MYO10: variants seen among roughly 807,000 people sequenced by gnomAD.
MYO10 encodes myosin X, also known as unconventional myosin-X.
In MYO10, 133 loss-of-function variants were observed where a neutral mutation model predicts 257.3. The observed-to-expected ratio is 0.52, with a 90% CI of 0.45 to 0.60. The LOEUF is 0.60. Among genes scored for constraint, MYO10 ranks in the 20% least tolerant of loss-of-function variants. The probability of loss-of-function intolerance (pLI) is 0.00; values close to 1 mark genes in which losing one functional copy is unlikely to be tolerated. For missense variants in MYO10, 2,399 were observed against 2,635.7 expected (o/e 0.91, Z 1.97); for synonymous variants, 1,104 against 1,028.6 (o/e 1.07, Z -1.40).
rs547329657 is a variant in MYO10 at position 16,818,930 on chromosome 5, G to C, written c.121-763C>G. 1.2e-4 allele frequency among the ~76,000 whole-genome samples: 18 copies of C among 152,226 alleles called. No individual in the cohort carries two copies. In the South Asian group the frequency reaches 3.7e-3, roughly 32 times the overall value. On this transcript the variant is annotated intron_variant, in intron 2 of 40. Coordinates refer to ENST00000513610, the MANE Select transcript of MYO10 (RefSeq NM_012334.3). ...TAAGAAACTTTCTAAGTTTTAGAAA[G>C]TAATTTGGTTTCCCTATATAATGTT...
intron 1 of MYO10, among the ~76,000 whole-genome samples, chr5:16,931,891 G>A (rs1746304297): frequency 6.6e-6 from 1 of 152,156 alleles, no homozygotes; most frequent in South Asian, 2.1e-4. Flanking sequence ...TCTCTAACAA[G>A]AAAAGATGTC....
intron 1 of MYO10, among the ~76,000 whole-genome samples, chr5:16,882,143 C>G (rs539494648): frequency 6.6e-6 from 1 of 152,292 alleles, no homozygotes; most frequent in East Asian, 1.9e-4. Context: ...GCATAAATTC[C>G]TATCCCCCTT....
At position 16,701,140 on chromosome 5, in the gene MYO10, T is replaced by C; in HGVS notation, c.3255A>G (p.Pro1085=). The C allele has an allele frequency of 6.2e-7, 1 of 1,601,080 alleles. No homozygotes were observed. The highest frequency in any genetic ancestry group is 8.5e-7 in the Non-Finnish European group (1 of 1,174,152). The stretch of plus-strand genomic sequence containing the variant: ...CCTGGTCGTAGTCGTAGTCGCCGTC[T>C]GGGGAGGGCAAGTCCCCAGCGTTCT... ...MPQNAGDLPS[P]DGDYDYDQDD... The change falls in exon 25 of 41, where the codon CCA becomes CCG. Residue 1085 remains proline, a synonymous_variant. Transcript: ENST00000513610. The surrounding 1 kb of genome is among the most constrained non-coding windows in gnomAD (Gnocchi z 8.1).
intron 30 of MYO10, among the ~76,000 whole-genome samples, chr5:16,682,499 A>G (rs1192409784): frequency 6.6e-6 from 1 of 152,200 alleles, no homozygotes; most frequent in Non-Finnish European, 1.5e-5. Flanking sequence ...CCGGGTTTCC[A>G]AAGTGATCTA....
chr5:16,796,005 G>C (rs1315239934), intron 3 of MYO10, among the ~76,000 whole-genome samples: 3 of 151,692 alleles, frequency 2.0e-5, no homozygotes, highest in Non-Finnish European at 4.4e-5. Flanking sequence ...CTGGCTAACA[G>C]AGTGAAACCC....
intron 1 of MYO10, among the ~76,000 whole-genome samples, chr5:16,887,732 C>T (rs527420985): frequency 3.9e-5 from 6 of 152,164 alleles, no homozygotes; most frequent in African/African-American, 1.4e-4. Context: ...CTCAGGTGAT[C>T]CACCCACCTC....
intron 19 of MYO10, chr5:16,713,389 A>T: frequency 1.0e-6 from 1 of 985,872 alleles, no homozygotes; most frequent in Non-Finnish European, 1.2e-6. Flanking sequence ...GCCAAAATTC[A>T]TATGGAAAAC....
intron 1 of MYO10, among the ~76,000 whole-genome samples, chr5:16,898,531 G>C (rs1163643790): frequency 2.6e-5 from 4 of 151,212 alleles, no homozygotes; most frequent in African/African-American, 9.7e-5. Context: ...TCCTGCCTCA[G>C]CATCCCGAAT....
rs376172117 is a variant in MYO10, at chr5:16,853,099, G to A, written c.120+24510C>T. Among the ~76,000 whole-genome samples the A allele has an allele frequency of 3.7e-4, 56 of 152,260 alleles. 1 individual carries two copies. The highest frequency in any genetic ancestry group is 1.2e-3 in the African/African-American group (48 of 41,558). On this transcript the variant is annotated intron_variant, in intron 2 of 40. Coordinates refer to ENST00000513610, the MANE Select transcript of MYO10 (RefSeq NM_012334.3). ...TCATGATCATATGTTGGCCGGGCGC[G>A]GCGGCTCACGCCTGTAATCCCAGCA... is the stretch of plus-strand genomic sequence containing the variant.
chr5:16,745,597 G>A (rs1579942405), intron 19 of MYO10, among the ~76,000 whole-genome samples: 1 of 152,196 alleles, frequency 6.6e-6, no homozygotes, highest in Non-Finnish European at 1.5e-5. Flanking sequence ...GCTGGGGCAG[G>A]AGATTGCTTG....
chr5:16,672,294 C>CAAAAAAAAAA (rs10684695), intron 37 of MYO10, among the ~76,000 whole-genome samples: 5 of 122,262 alleles, frequency 4.1e-5, no homozygotes, highest in African/African-American at 6.4e-5. Flanking sequence ...GACTCCATCT[C>CAAAAAAAAAA]AAAAAAAAAA....
chr5:16,853,702 G>A (rs1223640355), intron 2 of MYO10, among the ~76,000 whole-genome samples: 2 of 152,048 alleles, frequency 1.3e-5, no homozygotes, highest in Non-Finnish European at 2.9e-5. Context: ...TATACTTAGG[G>A]GGCCTCAGTG....
rs1169301000 is a variant in MYO10 at position 16,665,690 on chromosome 5, T to C, written c.*1002A>G. 6.6e-6 allele frequency: 1 copy of C among 152,588 alleles called. No individual in the cohort carries two copies. The allele number at this position is 152,588 out of a possible 1,614,324, so 9.5% of individuals were successfully genotyped here. On this transcript the variant is annotated 3_prime_UTR_variant, in exon 41 of 41. Coordinates refer to ENST00000513610, the MANE Select transcript of MYO10 (RefSeq NM_012334.3). ...CTATCCAGAATGATAGAAGCTAACCTTCCAAGTAACACTTTGTTTTTAACT... is the reference window on the plus strand; with the variant it reads ...CTATCCAGAATGATAGAAGCTAACCCTCCAAGTAACACTTTGTTTTTAACT...
At chr5:16,848,155 C>CTTTTTTTTTTTTTTTCTTTTT (rs1554002459) in intron 2 of MYO10, among the ~76,000 whole-genome samples, 1 of 113,596 alleles carries the variant, frequency 8.8e-6, no homozygotes, top group African/African-American at 3.7e-5. Flanking sequence ...CTACACATTT[C>CTTTTTTTTTTTTTTTCTTTTT]TTTTTTTTTT....
intron 9 of MYO10, among the ~76,000 whole-genome samples, chr5:16,774,212 G>A (rs191422194): frequency 1.9e-4 from 29 of 152,180 alleles, no homozygotes; most frequent in African/African-American, 6.5e-4. Flanking sequence ...GCGAATACAC[G>A]GCAGAGTCCC....
chr5:16,799,267 C>T (rs1301578201), intron 3 of MYO10, among the ~76,000 whole-genome samples: 5 of 145,654 alleles, frequency 3.4e-5, no homozygotes, highest in Admixed American at 1.4e-4. Flanking sequence ...AGGTAGAAGA[C>T]AAAGTGGCAT....
chr5:16,803,515 G>A (rs1436683497), intron 3 of MYO10, among the ~76,000 whole-genome samples: 1 of 152,154 alleles, frequency 6.6e-6, no homozygotes, highest in East Asian at 1.9e-4. Flanking sequence ...GACTATTCAG[G>A]AAGAGAGAAC....
At position 16,665,316 on chromosome 5, in the gene MYO10, T is replaced by C. The variant is rs1446209646; in HGVS notation, c.*1376A>G. The C allele has an allele frequency of 2.6e-5, 4 of 152,208 alleles. No homozygotes were observed. The highest frequency in any genetic ancestry group is 5.9e-5 in the Non-Finnish European group (4 of 68,042). The allele number at this position is 152,208 out of a possible 1,614,324, so 9.4% of individuals were successfully genotyped here. A position where few individuals can be genotyped will look rare whatever the true frequency, so the allele number is the denominator to read the frequency against. ...CACACAGCGTGTTAGCTAGTATCTT[T>C]TATTGTCAGAACTTCTGTGAGCCAA... On this transcript the variant is annotated 3_prime_UTR_variant, in exon 41 of 41. Transcript: ENST00000513610.
intron 2 of MYO10, among the ~76,000 whole-genome samples, chr5:16,833,976 G>C (rs1336666770): frequency 6.6e-6 from 1 of 152,064 alleles, no homozygotes; most frequent in Non-Finnish European, 1.5e-5. Flanking sequence ...ATCACTTCGA[G>C]GACAAAATAT....
Sources: allele counts gnomAD v4.1 joint callset (sites outside exome capture counted in the v4.1 genomes callset), GRCh38; gene constraint gnomAD v4.1.1; non-coding constraint Gnocchi (gnomAD v3.1); transcripts MANE v1.5; gene names NCBI Gene and HGNC (gene_info 2026-07-23, HGNC 2026-07-21).